The following ENTPD1 variants were observed in gnomAD, a reference collection of about 807,000 sequenced individuals.
The protein encoded by ENTPD1 is ATP diphosphohydrolase.
In ENTPD1, 33 loss-of-function variants were observed where a neutral mutation model predicts 57.0. That is an observed-to-expected ratio of 0.58 (90% CI 0.44 to 0.77). ENTPD1 has a LOEUF of 0.77. Among genes scored for constraint, ENTPD1 ranks in the 30% least tolerant of loss-of-function variants. The probability of loss-of-function intolerance (pLI) is 0.00; values close to 1 mark genes in which losing one functional copy is unlikely to be tolerated. For synonymous variants in ENTPD1, 202 were observed against 218.8 expected (o/e 0.92, Z 0.68); for missense variants, 501 against 603.4 (o/e 0.83, Z 1.78).
chr10:95,872,388 C>CTA lies in ENTPD1; in HGVS notation c.*6008_*6009dup. ...CTGATGTTTCCTACACTACACTACA[C>CTA]TATACTACACTACAGCCAGGTAGAA... On this transcript the variant is annotated 3_prime_UTR_variant, in exon 10 of 10. Transcript: ENST00000371205. 1.0e-6 allele frequency: 1 copy of CTA among 985,450 alleles called. No homozygotes were observed. The highest frequency in any genetic ancestry group is 1.2e-6 in the Non-Finnish European group (1 of 829,936). 61.0% of individuals were successfully genotyped at this position (985,450 alleles called of 1,614,324 possible).
intron 1 of ENTPD1, among the ~76,000 whole-genome samples, chr10:95,803,815 C>G (rs2140358886): frequency 6.6e-6 from 1 of 152,292 alleles, no homozygotes; most frequent in East Asian, 1.9e-4. Context: ...AGGTTTTCTT[C>G]TAGGGTTTTT....
At chr10:95,724,161 C>CAAAA (rs35316347) in intron 1 of ENTPD1, among the ~76,000 whole-genome samples, 6 of 50,338 alleles carry the variant, frequency 1.2e-4, no homozygotes, top group Non-Finnish European at 1.3e-4. Flanking sequence ...GACTCTGTCT[C>CAAAA]AAAAAAAAAA....
chr10:95,863,804 T>G (rs2098469468), intron 8 of ENTPD1, among the ~76,000 whole-genome samples: 1 of 152,176 alleles, frequency 6.6e-6, no homozygotes. Context: ...ACATGATGCA[T>G]GCATAACAAA....
chr10:95,797,696 C>T (rs1027944996), intron 1 of ENTPD1, among the ~76,000 whole-genome samples: 1 of 152,122 alleles, frequency 6.6e-6, no homozygotes, highest in Non-Finnish European at 1.5e-5. Context: ...TTTAAACAAC[C>T]AGCTCTTGTG....
chr10:95,701,943 A>G, the ENTPD1 span, among the ~76,000 whole-genome samples: 1 of 152,110 alleles, frequency 6.6e-6, no homozygotes, highest in African/African-American at 2.4e-5. Flanking sequence ...TTATATTTTC[A>G]AGTACTTTTA....
chr10:95,776,025 A>G (rs917168069), intron 1 of ENTPD1, among the ~76,000 whole-genome samples: 5 of 152,126 alleles, frequency 3.3e-5, no homozygotes, highest in African/African-American at 4.8e-5. Context: ...TTTTGAGCCT[A>G]TGTGCGTTCC....
the ENTPD1 span, among the ~76,000 whole-genome samples, chr10:95,697,740 T>G: frequency 1.3e-5 from 2 of 152,352 alleles, no homozygotes; most frequent in East Asian, 3.9e-4. Flanking sequence ...CCCCTTGACC[T>G]TGGGCTTCCC....
intron 1 of ENTPD1, among the ~76,000 whole-genome samples, chr10:95,722,995 C>T (rs2139831334): frequency 6.6e-6 from 1 of 152,292 alleles, no homozygotes; most frequent in South Asian, 2.1e-4. Context: ...CTACTTTCTT[C>T]TGTTAGCAAA....
At position 95,871,819 on chromosome 10, in the gene ENTPD1, T is replaced by C; in HGVS notation, c.*5436T>C. On this transcript the variant is annotated 3_prime_UTR_variant, in exon 10 of 10. Transcript: ENST00000371205. ...GAATAGCAAAGTTCATCAGAGAACA[T>C]GTATTAGTCAATGGTAAGTAAGATA... The C allele has an allele frequency of 1.0e-6, 1 of 985,456 alleles. No individual in the cohort carries two copies. Among genetic ancestry groups the C allele is most frequent in the African/African-American group, 1.7e-5 (1 of 57,378 alleles). 61.0% of individuals were successfully genotyped at this position (985,456 alleles called of 1,614,324 possible).
intron 2 of ENTPD1, among the ~76,000 whole-genome samples, chr10:95,824,858 A>G (rs2140578751): frequency 6.6e-6 from 1 of 152,338 alleles, no homozygotes; most frequent in Admixed American, 6.5e-5. Context: ...TTCTTTAAAT[A>G]AAAGGTAGGA....
Position 95,756,194 on chromosome 10 carries a change from G to T in ENTPD1, c.-46G>T, listed in dbSNP as rs188484151. The stretch of plus-strand genomic sequence containing the variant: ...ACGGACCACAGCAAGCAGAGGCTGG[G>T]GGGGGGAAAGACGAGGAAAGAGGAG... On this transcript the variant is annotated 5_prime_UTR_variant, in exon 1 of 10. Coordinates refer to ENST00000371205, the MANE Select transcript of ENTPD1 (RefSeq NM_001776.6). 148 of 1,580,158 alleles carry T rather than the reference G, an allele frequency of 9.4e-5. 1 individual carries two copies. The highest frequency in any genetic ancestry group is 5.0e-4 in the Middle Eastern group (3 of 5,972).
chr10:95,731,764 T>C lies in ENTPD1; in HGVS notation c.37+19771T>C, dbSNP rs529684075. Reference sequence around the variant, plus strand: ...CTTTTAGTTAGGAAGAAGGTAAGAATTAGAGGAGTGGACATCCTTTTTTTT... The same window carrying C: ...CTTTTAGTTAGGAAGAAGGTAAGAACTAGAGGAGTGGACATCCTTTTTTTT... On this transcript the variant is annotated intron_variant, in intron 1 of 9. Transcript: ENST00000453258. Among the ~76,000 whole-genome samples, 4 of 146,814 alleles carry C rather than the reference T, an allele frequency of 2.7e-5. No homozygotes were observed. The South Asian group carries it at 8.9e-4, about 33-fold the overall frequency.
chr10:95,838,751 A>G (rs565040414), intron 2 of ENTPD1, among the ~76,000 whole-genome samples: 1 of 152,332 alleles, frequency 6.6e-6, no homozygotes, highest in South Asian at 2.1e-4. Flanking sequence ...GTGTATGCCT[A>G]GTATTTGCAC....
rs1004389145 is a variant in ENTPD1, at chr10:95,870,998, T to G, written c.*4615T>G. On this transcript the variant is annotated 3_prime_UTR_variant, in exon 10 of 10. Coordinates refer to ENST00000371205, the MANE Select transcript of ENTPD1 (RefSeq NM_001776.6). ...AGTGGTTTCTAGGGATATGTTCTCA[T>G]GATGAACCCCGCAGAGGCTCGTGAA... The G allele has an allele frequency of 1.0e-6, 1 of 985,332 alleles. No homozygotes were observed. The highest frequency in any genetic ancestry group is 1.7e-5 in the African/African-American group (1 of 57,252). The allele number at this position is 985,332 out of a possible 1,614,324, so 61.0% of individuals were successfully genotyped here. A position where few individuals can be genotyped will look rare whatever the true frequency, so the allele number is the denominator to read the frequency against.
chr10:95,733,182 G>T (rs2097991150), intron 1 of ENTPD1, among the ~76,000 whole-genome samples: 1 of 152,060 alleles, frequency 6.6e-6, no homozygotes, highest in South Asian at 2.1e-4. Context: ...CTTTCTCAGG[G>T]CTGTTCCTTG....
chr10:95,790,131 G>C (rs961867309), intron 1 of ENTPD1, among the ~76,000 whole-genome samples: 1 of 152,206 alleles, frequency 6.6e-6, no homozygotes, highest in African/African-American at 2.4e-5. Context: ...TGAACTGTAG[G>C]TTGATGTCTG....
intron 1 of ENTPD1, among the ~76,000 whole-genome samples, chr10:95,714,520 G>A (rs887174508): frequency 6.6e-6 from 1 of 152,062 alleles, no homozygotes; most frequent in African/African-American, 2.4e-5. Flanking sequence ...CAAACCATGT[G>A]TTTGTTGCCA....
chr10:95,876,207 C>T lies in ENTPD1; in HGVS notation c.*9824C>T, dbSNP rs2098485604. ...TTTCTTAGGTATATTTATAAATACT[C>T]CTATAAAAATGTAAAGAAACACATA... On this transcript the variant is annotated 3_prime_UTR_variant, in exon 10 of 10. Transcript: ENST00000371205. 1 of 978,842 alleles carries T rather than the reference C, an allele frequency of 1.0e-6. No individual in the cohort carries two copies. Among genetic ancestry groups the T allele is most frequent in the South Asian group, 4.7e-5 (1 of 21,136 alleles). 60.6% of individuals were successfully genotyped at this position (978,842 alleles called of 1,614,324 possible).
chr10:95,702,815 C>T, the ENTPD1 span, among the ~76,000 whole-genome samples: 3 of 152,192 alleles, frequency 2.0e-5, no homozygotes, highest in Non-Finnish European at 4.4e-5. Flanking sequence ...CAGAGTCTCA[C>T]TCTGTCGCCC....
Sources: allele counts gnomAD v4.1 joint callset (sites outside exome capture counted in the v4.1 genomes callset), GRCh38; gene constraint gnomAD v4.1.1; transcripts MANE v1.5; gene names NCBI Gene and HGNC (gene_info 2026-07-23, HGNC 2026-07-21).